CUBN: variants seen among roughly 807,000 people sequenced by gnomAD.
CUBN encodes cubilin.
In CUBN, 282 loss-of-function variants were observed where a neutral mutation model predicts 405.3. The observed-to-expected ratio is 0.70, with a 90% CI of 0.63 to 0.77. CUBN has a LOEUF of 0.77. CUBN is among the 30% of genes least tolerant of loss of function. The pLI is 0.00. For synonymous variants in CUBN, 1,684 were observed against 1,617.0 expected (o/e 1.04, Z -0.99); for missense variants, 4,514 against 4,475.2 (o/e 1.01, Z -0.25).
chr10:16,886,555 C>CCTCCAT (rs57062717), intron 56 of CUBN, among the ~76,000 whole-genome samples: 83,801 of 151,286 alleles, frequency 0.55, 26,175 homozygotes, highest in Middle Eastern at 0.73. Context: ...TGTGTGAAAG[C>CCTCCAT]CTCCATTAAA....
Position 17,047,525 on chromosome 10 carries a change from TC to T in CUBN, c.3217del (p.Glu1073AsnfsTer8), listed in dbSNP as rs756524411. 1.2e-6 allele frequency: 2 copies of T among 1,613,930 alleles called. No homozygotes were observed. The highest frequency in any genetic ancestry group is 1.7e-6 in the Non-Finnish European group (2 of 1,179,828). ...NFPNNYPNNW[E>X]CIYRITVRTG... ...TCTCACTGTGATCCGATAAATGCAT[TC>T]CCAGTTGTTGGGATAATTATTGGGG... is the stretch of plus-strand genomic sequence containing the variant. On this transcript the variant is annotated frameshift_variant, in exon 23 of 67. Transcript: ENST00000377833. LOFTEE classifies it high-confidence loss of function.
At chr10:16,988,464 AT>A in intron 29 of CUBN, among the ~76,000 whole-genome samples, 1 of 152,296 alleles carries the variant, frequency 6.6e-6, no homozygotes, top group East Asian at 1.9e-4. Context: ...ATCTGATTTC[AT>A]TTACAATTAC....
chr10:17,052,049 C>G (rs1013342322), intron 22 of CUBN, among the ~76,000 whole-genome samples: 1 of 151,510 alleles, frequency 6.6e-6, no homozygotes, highest in Non-Finnish European at 1.5e-5. Flanking sequence ...CCAGTTGGGG[C>G]GGGGGGGAAG....
intron 61 of CUBN, 75 bp downstream of exon 61, chr10:16,840,810 A>T: frequency 7.5e-7 from 1 of 1,327,402 alleles, no homozygotes; most frequent in African/African-American, 1.4e-5. Flanking sequence ...TTTCGATATA[A>T]TAAGCAGGGC....
chr10:17,008,080 G>A (rs1314026041), intron 28 of CUBN, among the ~76,000 whole-genome samples: 1 of 152,130 alleles, frequency 6.6e-6, no homozygotes, highest in Non-Finnish European at 1.5e-5. Context: ...CTTATCAAAA[G>A]GCTGAGGCTG....
At chr10:16,960,275 T>G (rs1843179091) in intron 31 of CUBN, among the ~76,000 whole-genome samples, 1 of 152,194 alleles carries the variant, frequency 6.6e-6, no homozygotes, top group African/African-American at 2.4e-5. Context: ...GTGGATCACC[T>G]GAGGTCAGGA....
intron 3 of CUBN, among the ~76,000 whole-genome samples, chr10:17,127,392 A>C: frequency 6.8e-6 from 1 of 147,468 alleles, no homozygotes; most frequent in African/African-American, 2.5e-5. Context: ...CAGCCTCCCA[A>C]GTAGCTGTGA....
At chr10:16,844,541 G>A (rs1424278269) in intron 60 of CUBN, among the ~76,000 whole-genome samples, 1 of 152,162 alleles carries the variant, frequency 6.6e-6, no homozygotes, top group Non-Finnish European at 1.5e-5. Flanking sequence ...ATGGATAACT[G>A]GTAAATGTGA....
chr10:17,123,372 AG>A (rs1837091019), intron 5 of CUBN: 1 of 605,874 alleles, frequency 1.7e-6, no homozygotes, highest in Non-Finnish European at 3.0e-6. Flanking sequence ...TATCCAATCA[AG>A]TGAACCTCTC....
At chr10:16,842,837 G>A (rs1335404158) in intron 60 of CUBN, among the ~76,000 whole-genome samples, 1 of 152,116 alleles carries the variant, frequency 6.6e-6, no homozygotes, top group Non-Finnish European at 1.5e-5. Flanking sequence ...ACACCTCACT[G>A]CTAGCTGCAC....
chr10:17,076,263 A>C (rs1835852398), intron 17 of CUBN, among the ~76,000 whole-genome samples: 1 of 152,116 alleles, frequency 6.6e-6, no homozygotes, highest in Non-Finnish European at 1.5e-5. Flanking sequence ...GGTGCAATTG[A>C]TTTTGGCTCT....
chr10:17,096,432 G>A (rs996274553), intron 14 of CUBN, among the ~76,000 whole-genome samples: 3 of 151,974 alleles, frequency 2.0e-5, no homozygotes, highest in Non-Finnish European at 4.4e-5. Flanking sequence ...TGTCAGTTAA[G>A]CTCCAATAAA....
intron 28 of CUBN, among the ~76,000 whole-genome samples, chr10:17,017,142 T>C (rs1834348075): frequency 6.6e-6 from 1 of 152,126 alleles, no homozygotes; most frequent in African/African-American, 2.4e-5. Flanking sequence ...AAGACAAAAC[T>C]GCCCGTGCTT....
chr10:16,948,280 C>G (rs1222923743), intron 35 of CUBN, among the ~76,000 whole-genome samples, 198 bp downstream of exon 35: 1 of 152,188 alleles, frequency 6.6e-6, no homozygotes, highest in Non-Finnish European at 1.5e-5. Context: ...CATTTCCAAC[C>G]AATCCTCCAC....
chr10:16,991,255 ATGTGTTTTC>A lies in CUBN; in HGVS notation c.4169-749_4169-741del, dbSNP rs531643681. Among the ~76,000 whole-genome samples, 4 of 152,348 alleles carry A rather than the reference ATGTGTTTTC, an allele frequency of 2.6e-5. No individual in the cohort carries two copies. In the South Asian group the frequency reaches 8.3e-4, roughly 32 times the overall value. ...CATTGAGTCCTCATATGGGCTTTCC[ATGTGTTTTC>A]TGTTTCCGTACTCATAAGGACCACA... On this transcript the variant is annotated intron_variant, in intron 28 of 66. Transcript: ENST00000377833.
chr10:17,085,271 G>A (rs974191725), intron 16 of CUBN, among the ~76,000 whole-genome samples: 11 of 152,166 alleles, frequency 7.2e-5, no homozygotes, highest in Non-Finnish European at 1.5e-4. Context: ...AGACTGCACT[G>A]CTCGCATGCA....
chr10:16,873,835 T>C (rs1307721467), intron 58 of CUBN, among the ~76,000 whole-genome samples: 2 of 152,142 alleles, frequency 1.3e-5, no homozygotes, highest in Admixed American at 1.3e-4. Context: ...ACATTTTGAC[T>C]CTTTATGTGT....
chr10:16,881,897 T>C (rs981780843), intron 56 of CUBN, among the ~76,000 whole-genome samples: 4 of 152,242 alleles, frequency 2.6e-5, no homozygotes, highest in Admixed American at 6.5e-5. Context: ...ATATATCCCA[T>C]CACTGCATTA....
chr10:16,939,381 A>T lies in CUBN; in HGVS notation c.5549-234T>A, dbSNP rs1842597625. On this transcript the variant is annotated intron_variant, in intron 37 of 66. Transcript: ENST00000377833. ...AAAGAGGCCACAACTTCCCATGTGA[A>T]AAGGGGTTCTGAGCCCCTAGGGGAC... Among the ~76,000 whole-genome samples, 3 of 152,158 alleles carry T rather than the reference A, an allele frequency of 2.0e-5. No homozygotes were observed. In the South Asian group the frequency reaches 6.2e-4, roughly 32 times the overall value.
Sources: gnomAD v4.1 joint callset for allele counts (sites outside exome capture counted in the v4.1 genomes callset) on GRCh38, gnomAD v4.1.1 for gene constraint, MANE v1.5 for transcripts, NCBI Gene and HGNC (gene_info 2026-07-23, HGNC 2026-07-21) for gene names.